PCNX2: variants seen among roughly 807,000 people sequenced by gnomAD.
The protein encoded by PCNX2 is pecanex-like protein 2.
Under a neutral mutation model 223.8 loss-of-function variants are expected in PCNX2, and 168 were observed. The ratio of observed to expected loss-of-function variants is 0.75; its 90% CI spans 0.66 to 0.85. The LOEUF (loss-of-function observed/expected upper bound fraction) is 0.85, where lower values mean the gene tolerates loss of function less well. Ranked by LOEUF, PCNX2 falls within the 40% of genes least tolerant of loss-of-function variation. The pLI, the probability that PCNX2 is intolerant of heterozygous loss-of-function variation, is 0.00. For missense variants in PCNX2, 2,507 were observed against 2,675.5 expected (o/e 0.94, Z 1.39); for synonymous variants, 1,006 against 1,052.6 (o/e 0.96, Z 0.86).
At chr1:233,058,008 G>T (rs185550724) in intron 23 of PCNX2, 3 of 985,310 alleles carry the variant, frequency 3.0e-6, no homozygotes, top group African/African-American at 3.5e-5. Context: ...CAAGAGTGGG[G>T]TATACTCTTA....
Position 233,001,439 on chromosome 1 carries a change from A to C in PCNX2, c.5097+98T>G. 1 of 808,156 alleles carries C rather than the reference A, an allele frequency of 1.2e-6. No individual in the cohort carries two copies. The highest frequency in any genetic ancestry group is 1.6e-6 in the Non-Finnish European group (1 of 636,050). The allele number at this position is 808,156 out of a possible 1,614,324, so 50.1% of individuals were successfully genotyped here. A position where few individuals can be genotyped will look rare whatever the true frequency, so the allele number is the denominator to read the frequency against. ...GGTTGTGGTGAGCCGAGATTGTGCCATTGCACCCCAGCCTGGGCAACAAGA... is the reference window on the plus strand; with the variant it reads ...GGTTGTGGTGAGCCGAGATTGTGCCCTTGCACCCCAGCCTGGGCAACAAGA... On this transcript the variant is annotated intron_variant, in intron 29 of 33. Transcript: ENST00000258229. This position sits in a 1 kb window ranked among gnomAD's most constrained non-coding sequence, Gnocchi z 4.2.
upstream of PCNX2, among the ~76,000 whole-genome samples, chr1:233,296,336 G>A (rs1662120993): frequency 6.6e-6 from 1 of 152,106 alleles, no homozygotes; most frequent in South Asian, 2.1e-4. Context: ...CCAACTTGGT[G>A]GAGAAAGAAG....
In PCNX2 at chr1:233,112,718, A is replaced by G. The variant is rs1291151326; in HGVS notation, c.3838-16855T>C. On this transcript the variant is annotated intron_variant, in intron 21 of 33. Transcript: ENST00000258229. Reference sequence around the variant, plus strand: ...GTGTCTGTGTAGATCTTTGAACAATATAACTAAATTCACATATTTATTATA... The same window carrying G: ...GTGTCTGTGTAGATCTTTGAACAATGTAACTAAATTCACATATTTATTATA... 1.3e-5 allele frequency: 9 copies of G among 693,520 alleles called. No individual in the cohort carries two copies. The Admixed American group carries it at 1.5e-4, about 12-fold the overall frequency. 43.0% of individuals were successfully genotyped at this position (693,520 alleles called of 1,614,324 possible).
At chr1:233,059,886 T>C (rs1309964322) in intron 23 of PCNX2, among the ~76,000 whole-genome samples, 1 of 152,244 alleles carries the variant, frequency 6.6e-6, no homozygotes, top group Non-Finnish European at 1.5e-5. Flanking sequence ...CAGCCTTCTT[T>C]TGTGAACTTG....
At chr1:233,270,809 T>C (rs763030914) in intron 1 of PCNX2, among the ~76,000 whole-genome samples, 6 of 152,104 alleles carry the variant, frequency 3.9e-5, no homozygotes, top group Non-Finnish European at 7.4e-5. Context: ...AGTGAGTGTC[T>C]GGACCGTTAG....
intron 15 of PCNX2, among the ~76,000 whole-genome samples, chr1:233,181,777 G>A (rs1679815733): frequency 6.6e-6 from 1 of 152,136 alleles, no homozygotes; most frequent in Non-Finnish European, 1.5e-5. Context: ...ATGCAAGAGA[G>A]CATTCTAGGG....
intron 32 of PCNX2, among the ~76,000 whole-genome samples, chr1:232,989,295 A>G (rs1669609046): frequency 6.6e-6 from 1 of 152,178 alleles, no homozygotes; most frequent in African/African-American, 2.4e-5. Context: ...TCTACTAAAA[A>G]TACAAAGAAT....
chr1:233,258,063 G>A lies in PCNX2; in HGVS notation c.1799C>T (p.Ser600Leu). 6.2e-7 allele frequency: 1 copy of A among 1,613,966 alleles called. No homozygotes were observed. Among genetic ancestry groups the A allele is most frequent in the Non-Finnish European group, 8.5e-7 (1 of 1,179,852 alleles). The change falls in exon 5 of 34, where the codon TCA becomes TTA. Residue 600 changes from serine to leucine, a missense_variant. This residue lies in a region of PCNX2 where 1,031 missense variants were observed against 1,021.7 expected (regional missense o/e 1.01). Transcript: ENST00000258229. ...KMTASSQLNG[S>L]AEQNEESGLL... ...CCCACTTTCTTCATTCTGCTCAGCT[G>A]AGCCATTCAGTTGACTGGATGCCGT... is the stretch of plus-strand genomic sequence containing the variant.
chr1:233,133,720 C>T (rs1329010786), intron 21 of PCNX2, among the ~76,000 whole-genome samples: 3 of 151,964 alleles, frequency 2.0e-5, no homozygotes, highest in Admixed American at 2.0e-4. Flanking sequence ...ATTAGCCAGG[C>T]GTGGTGGTGC....
chr1:233,196,160 A>C (rs115985021), intron 15 of PCNX2, among the ~76,000 whole-genome samples: 1 of 152,130 alleles, frequency 6.6e-6, no homozygotes, highest in Non-Finnish European at 1.5e-5. Flanking sequence ...AACAAATGGT[A>C]CTAGTAAATC....
the PCNX2 span, among the ~76,000 whole-genome samples, chr1:233,322,049 G>A: frequency 1.3e-5 from 2 of 152,142 alleles, no homozygotes; most frequent in East Asian, 1.9e-4. Flanking sequence ...ACAGAAGGTG[G>A]TTCTTAAGGG....
intron 26 of PCNX2, among the ~76,000 whole-genome samples, chr1:233,021,347 T>C (rs1262211653): frequency 6.6e-6 from 1 of 152,210 alleles, no homozygotes; most frequent in African/African-American, 2.4e-5. Context: ...ATTACGTCTG[T>C]AGTAGCTCCA....
rs1662033729 is a variant in PCNX2 at position 233,295,503 on chromosome 1, A to G, written c.-25T>C. ...TGCCGGCTGCGCCCCGGGGCTGGTG[A>G]GCGCCCCGCTGCACCCTGCGCGCCC... On this transcript the variant is annotated 5_prime_UTR_variant, in exon 1 of 34. Coordinates refer to ENST00000258229, the MANE Select transcript of PCNX2 (RefSeq NM_014801.4). This position sits in a 1 kb window ranked among gnomAD's most constrained non-coding sequence, Gnocchi z 4.1. The G allele has an allele frequency of 6.5e-7, 1 of 1,538,968 alleles. No homozygotes were observed. The highest frequency in any genetic ancestry group is 1.2e-5 in the South Asian group (1 of 82,148).
At chr1:233,135,450 T>A (rs781624952) in intron 20 of PCNX2, among the ~76,000 whole-genome samples, 1 of 152,346 alleles carries the variant, frequency 6.6e-6, no homozygotes, top group Admixed American at 6.5e-5. Context: ...AAGCACAGTG[T>A]CTTTGCCATT....
At chr1:233,092,843 GGCTAGA>G (rs1673939248) in intron 22 of PCNX2, among the ~76,000 whole-genome samples, 1 of 152,118 alleles carries the variant, frequency 6.6e-6, no homozygotes, top group Admixed American at 6.5e-5. Context: ...CTGTCACCCA[GGCTAGA>G]GTGCGGTGGC....
At chr1:233,122,942 G>A (rs1440227830) in intron 21 of PCNX2, among the ~76,000 whole-genome samples, 1 of 152,204 alleles carries the variant, frequency 6.6e-6, no homozygotes, top group Non-Finnish European at 1.5e-5. Flanking sequence ...TTGAGGGACA[G>A]TCTATAAAAT....
rs1455187087 is a variant in PCNX2, at chr1:233,198,919, C to A, written c.3066+20G>T. ...TTTAATGAATCGAGAAGGATGAGGG[C>A]CCATGGTCCTCACACCTACCTTCAC... is the stretch of plus-strand genomic sequence containing the variant. On this transcript the variant is annotated intron_variant, in intron 15 of 33. Coordinates refer to ENST00000258229, the MANE Select transcript of PCNX2 (RefSeq NM_014801.4). 6.3e-7 allele frequency: 1 copy of A among 1,577,004 alleles called. No homozygotes were observed. Among genetic ancestry groups the A allele is most frequent in the South Asian group, 1.2e-5 (1 of 86,750 alleles).
rs1677714444 is a variant in PCNX2, at chr1:233,150,193, A to G, written c.3517+10090T>C. Among the ~76,000 whole-genome samples, 4 of 152,166 alleles carry G rather than the reference A, an allele frequency of 2.6e-5. No individual in the cohort carries two copies. In the South Asian group the frequency reaches 8.3e-4, roughly 31 times the overall value. On this transcript the variant is annotated intron_variant, in intron 19 of 33. Transcript: ENST00000258229. ...GGTAACACACCTGACTAACTGATGG[A>G]TTAATAACTTAATTAAGAAGACGCC... is the stretch of plus-strand genomic sequence containing the variant.
At chr1:233,049,790 T>A (rs1671936522) in intron 25 of PCNX2, among the ~76,000 whole-genome samples, 1 of 151,882 alleles carries the variant, frequency 6.6e-6, no homozygotes, top group Non-Finnish European at 1.5e-5. Flanking sequence ...TGTACAAAAC[T>A]TAGTAGCATT....
Sources: gnomAD v4.1 joint callset for allele counts (sites outside exome capture counted in the v4.1 genomes callset) on GRCh38, gnomAD v4.1.1 for gene constraint, gnomAD v4.1.1 regional missense constraint, Gnocchi (gnomAD v3.1) non-coding constraint, MANE v1.5 for transcripts, NCBI Gene and HGNC (gene_info 2026-07-23, HGNC 2026-07-21) for gene names.